LMNB2: variants seen among roughly 807,000 people sequenced by gnomAD.
The protein encoded by LMNB2 is lamin B2, also known as lamin-B2.
In LMNB2, 17 loss-of-function variants were observed where a neutral mutation model predicts 69.3. The observed-to-expected ratio is 0.25, with a 90% CI of 0.17 to 0.37. The LOEUF is 0.37. LMNB2 is among the 10% of genes least tolerant of loss of function. The pLI is 1.00. For missense variants in LMNB2, 789 were observed against 883.6 expected, an observed-to-expected ratio of 0.89 and a Z score of 1.36; for synonymous variants, 397 against 389.3, an observed-to-expected ratio of 1.02 and a Z score of -0.23.
chr19:2,452,704 C>T (rs148715981), intron 1 of LMNB2, among the ~76,000 whole-genome samples: 5,771 of 152,134 alleles, frequency 0.038, 138 homozygotes, highest in Middle Eastern at 0.058. Flanking sequence ...CCAGCCTGGG[C>T]GACAGAGTGA....
chr19:2,439,556 C>T (rs1971869904), intron 2 of LMNB2, among the ~76,000 whole-genome samples: 1 of 152,126 alleles, frequency 6.6e-6, no homozygotes, highest in East Asian at 1.9e-4. Context: ...CCAGTGTCCC[C>T]TGGGGACAGA....
rs943106546 is a variant in LMNB2, at chr19:2,444,898, A to G, written c.265-358T>C. Among the ~76,000 whole-genome samples, 4 of 152,200 alleles carry G rather than the reference A, an allele frequency of 2.6e-5. No homozygotes were observed. In the South Asian group the frequency reaches 6.2e-4, roughly 24 times the overall value. On this transcript the variant is annotated intron_variant, in intron 1 of 11. Transcript: ENST00000325327. ...AGACCAAAGGCCCTGGGCCTGGACC[A>G]GCACAGCAGCTGGATGGAGCCTGTC... is the stretch of plus-strand genomic sequence containing the variant.
intron 2 of LMNB2, among the ~76,000 whole-genome samples, chr19:2,442,675 A>C (rs537885311): frequency 3.6e-4 from 55 of 152,140 alleles, no homozygotes; most frequent in African/African-American, 1.3e-3. Flanking sequence ...TGAGCCTGGG[A>C]GTTCGAGGCT....
chr19:2,443,544 G>A lies in LMNB2; in HGVS notation c.401+860C>T, dbSNP rs969640862. ...TCCCTCCATGCTGAGCCAGGCCTGC[G>A]TGGCTCTGGGAGAATGAGCAGTGTG... On this transcript the variant is annotated intron_variant, in intron 2 of 11. Transcript: ENST00000325327. The surrounding 1 kb of genome is among the most constrained non-coding windows in gnomAD (Gnocchi z 6.2). Among the ~76,000 whole-genome samples the A allele has an allele frequency of 5.3e-5, 8 of 152,110 alleles. No individual in the cohort carries two copies. Among genetic ancestry groups the A allele is most frequent in the South Asian group, 2.1e-4 (1 of 4,816 alleles).
intron 1 of LMNB2, among the ~76,000 whole-genome samples, chr19:2,452,760 C>T (rs928985076): frequency 7.2e-5 from 11 of 152,062 alleles, no homozygotes; most frequent in African/African-American, 2.4e-4. Context: ...GTGAGGACCT[C>T]GGGGGCCGCC....
Position 2,432,002 on chromosome 19 carries a change from G to A in LMNB2, c.1591-100C>T. 3 of 1,449,686 alleles carry A rather than the reference G, an allele frequency of 2.1e-6. No homozygotes were observed. The South Asian group carries it at 3.7e-5, about 18-fold the overall frequency. 89.8% of individuals were successfully genotyped at this position (1,449,686 alleles called of 1,614,324 possible). A position where few individuals can be genotyped will look rare whatever the true frequency, so the allele number is the denominator to read the frequency against. ...CCACAAAGCCCCCTTCAATGCCCTGGGCGTTCAGTCCTTCCAGCCCGACGC... is the reference window on the plus strand; with the variant it reads ...CCACAAAGCCCCCTTCAATGCCCTGAGCGTTCAGTCCTTCCAGCCCGACGC... On this transcript the variant is annotated intron_variant, in intron 9 of 11. Coordinates refer to ENST00000325327, the MANE Select transcript of LMNB2 (RefSeq NM_032737.4).
rs138399575 is a variant in LMNB2, at chr19:2,433,940, C to T, written c.1368G>A (p.Thr456=). Residue 456 remains threonine (T), a synonymous_variant, in exon 8 of 12, where the codon ACG becomes ACA. Coordinates refer to ENST00000325327, the MANE Select transcript of LMNB2 (RefSeq NM_032737.4). ...CCAGGTGGAAGCCACCGCTGCCACC[C>T]GTGCCCGTGCCCAGGACGCTTGGGC... ...GSGPSVLGTG[T]GGSGGFHLAQ... is the part of the protein sequence containing the mutation. 105 of 1,612,080 alleles carry T rather than the reference C, an allele frequency of 6.5e-5. No homozygotes were observed. The African/African-American group carries it at 7.9e-4, about 12-fold the overall frequency.
In LMNB2 at chr19:2,430,688, T is replaced by G; in HGVS notation, c.*223A>C. ...TTTGACCAAATGGTGAGATGAGGAG[T>G]GGGGTGGGATTGAAAAGTCTCCGGG... On this transcript the variant is annotated 3_prime_UTR_variant, in exon 12 of 12. Coordinates refer to ENST00000325327, the MANE Select transcript of LMNB2 (RefSeq NM_032737.4). The G allele has an allele frequency of 1.6e-6, 1 of 618,096 alleles. No individual in the cohort carries two copies. Among genetic ancestry groups the G allele is most frequent in the East Asian group, 2.9e-5 (1 of 34,446 alleles). The allele number at this position is 618,096 out of a possible 1,614,324, so 38.3% of individuals were successfully genotyped here.
rs373064705 is a variant in LMNB2, at chr19:2,444,916, A to G, written c.265-376T>C. 1.3e-4 allele frequency among the ~76,000 whole-genome samples: 20 copies of G among 152,326 alleles called. No homozygotes were observed. The South Asian group carries it at 2.1e-3, about 16-fold the overall frequency. ...CTGGACCAGCACAGCAGCTGGATGG[A>G]GCCTGTCCCCTTCCCCGGAGGACCA... On this transcript the variant is annotated intron_variant, in intron 1 of 11. Coordinates refer to ENST00000325327, the MANE Select transcript of LMNB2 (RefSeq NM_032737.4).
chr19:2,437,907 C>A (rs576451042), intron 4 of LMNB2, among the ~76,000 whole-genome samples: 77 of 152,308 alleles, frequency 5.1e-4, no homozygotes, highest in Non-Finnish European at 8.8e-4. Context: ...TCCAGGCAGG[C>A]CCCAAATCCA....
chr19:2,431,441 T>G, intron 11 of LMNB2, 107 bp downstream of exon 11: 1 of 1,440,798 alleles, frequency 6.9e-7, no homozygotes, highest in Non-Finnish European at 9.7e-7. Flanking sequence ...GGCAGCCAGA[T>G]GGAGCTCCCG....
At chr19:2,438,595 C>T in intron 2 of LMNB2, 64 bp from the exon 3 acceptor site, 1 of 1,561,372 alleles carries the variant, frequency 6.4e-7, no homozygotes, top group Non-Finnish European at 8.7e-7. Flanking sequence ...GGGAGCACCT[C>T]AGGGGGCGTC....
At chr19:2,442,886 T>C (rs1971914085) in intron 2 of LMNB2, among the ~76,000 whole-genome samples, 1 of 152,220 alleles carries the variant, frequency 6.6e-6, no homozygotes, top group Non-Finnish European at 1.5e-5. Flanking sequence ...ATTCACATCC[T>C]GTACATTTCA....
At position 2,433,865 on chromosome 19, in the gene LMNB2, C is replaced by T. The variant is rs781006477; in HGVS notation, c.1443G>A (p.Leu481=). The T allele has an allele frequency of 1.1e-5, 18 of 1,613,318 alleles. No individual in the cohort carries two copies. Among genetic ancestry groups the T allele is most frequent in the Admixed American group, 1.7e-5 (1 of 60,012 alleles). ...SGSVSIEEID[L]EGKFVQLKNN... ...TCTTGAGCTGCACAAACTTGCCCTC[C>T]AGGTCGATCTCCTCGATGCTGACGC... is the stretch of plus-strand genomic sequence containing the variant. Residue 481 remains leucine (L), a synonymous_variant, in exon 8 of 12, where the codon CTG becomes CTA. Transcript: ENST00000325327.
chr19:2,452,001 C>T (rs541837537), intron 1 of LMNB2, among the ~76,000 whole-genome samples: 1 of 152,088 alleles, frequency 6.6e-6, no homozygotes, highest in Admixed American at 6.6e-5. Context: ...AGGGAAGTAC[C>T]TGGAGTACCT....
At position 2,438,489 on chromosome 19, in the gene LMNB2, A is replaced by G. The variant is rs1313179880; in HGVS notation, c.444T>C (p.Arg148=). 1.9e-6 allele frequency: 3 copies of G among 1,611,446 alleles called. No individual in the cohort carries two copies. Among genetic ancestry groups the G allele is most frequent in the South Asian group, 1.1e-5 (1 of 90,922 alleles). ...GGAACAGGGACTCCAGGTCCTTCAC[A>G]CGGCCCTGGGCCACCGTAAGCTCGC... The part of the protein sequence containing the change: ...REGELTVAQG[R]VKDLESLFHR... The change falls in exon 3 of 12, where the codon CGT becomes CGC. Residue 148 remains arginine, a synonymous_variant. Coordinates refer to ENST00000325327, the MANE Select transcript of LMNB2 (RefSeq NM_032737.4).
chr19:2,438,251 T>C lies in LMNB2; in HGVS notation c.596A>G (p.Glu199Gly), dbSNP rs146647837. Residue 199 changes from glutamate (E) to glycine (G), a missense_variant, in exon 4 of 12, where the codon GAG becomes GGG. Glu to Gly is a moderately conservative substitution (Grantham distance 98). This residue lies in a region of LMNB2 where 609 missense variants were observed against 630.9 expected (regional missense o/e 0.97). Transcript: ENST00000325327. ...GTCCACACGCATCAGCGTCTCCTTC[T>C]CCAGCTGCTTTTTGGCCACTGCATG... ...DGHAVAKKQLEKETLMRVDLE... is the reference protein window; with the variant it reads ...DGHAVAKKQLGKETLMRVDLE... 9.9e-6 allele frequency: 16 copies of C among 1,614,046 alleles called. No individual in the cohort carries two copies. The highest frequency in any genetic ancestry group is 1.3e-5 in the African/African-American group (1 of 75,060).
Position 2,438,211 on chromosome 19 carries a change from G to C in LMNB2, c.636C>G (p.Cys212Trp). 1 of 1,614,042 alleles carries C rather than the reference G, an allele frequency of 6.2e-7. No individual in the cohort carries two copies. Among genetic ancestry groups the C allele is most frequent in the Non-Finnish European group, 8.5e-7 (1 of 1,180,028 alleles). Residue 212 changes from cysteine (C) to tryptophan (W), a missense_variant, in exon 4 of 12, where the codon TGC (cysteine) becomes TGG (tryptophan). Transcript: ENST00000325327. ...TLMRVDLENR[C>W]QSLQEELDFR... ...AGTCCAGCTCCTCCTGCAGGCTCTGGCAGCGGTTCTCCAGGTCCACACGCA... is the reference window on the plus strand; with the variant it reads ...AGTCCAGCTCCTCCTGCAGGCTCTGCCAGCGGTTCTCCAGGTCCACACGCA...
chr19:2,454,509 G>A (rs77617794), intron 1 of LMNB2, among the ~76,000 whole-genome samples: 6,505 of 152,036 alleles, frequency 0.043, 156 homozygotes, highest in Non-Finnish European at 0.051. Flanking sequence ...CATTCCAAAG[G>A]CGAGGGCACT....
Sources: allele counts gnomAD v4.1 joint callset (sites outside exome capture counted in the v4.1 genomes callset), GRCh38; gene constraint gnomAD v4.1.1; regional missense constraint gnomAD v4.1.1; non-coding constraint Gnocchi (gnomAD v3.1); transcripts MANE v1.5; gene names NCBI Gene and HGNC (gene_info 2026-07-23, HGNC 2026-07-21).